ZNF564: variants seen among roughly 807,000 people sequenced by gnomAD.
The protein encoded by ZNF564 is zinc finger protein 564.
A neutral mutation model predicts 10.5 loss-of-function variants in ZNF564; 5 were observed. That is an observed-to-expected ratio of 0.48 (90% CI 0.25 to 1.00). The LOEUF (loss-of-function observed/expected upper bound fraction) is 1.00. Ranked by LOEUF, ZNF564 falls within the 50% of genes least tolerant of loss-of-function variation. The probability of loss-of-function intolerance (pLI) is 0.16; values close to 1 mark genes in which losing one functional copy is unlikely to be tolerated. For synonymous variants in ZNF564, 242 were observed against 218.1 expected, an observed-to-expected ratio of 1.11 and a Z score of -0.97; for missense variants, 603 against 669.7, an observed-to-expected ratio of 0.90 and a Z score of 1.10.
At chr19:12,541,066 C>CAAAAAAAAAAAAAAAA in intron 1 of ZNF564, among the ~76,000 whole-genome samples, 1 of 59,724 alleles carries the variant, frequency 1.7e-5, no homozygotes, top group Non-Finnish European at 2.8e-5. Flanking sequence ...CCTGTCTCTA[C>CAAAAAAAAAAAAAAAA]AAAAAAAAAA....
chr19:12,550,862 TA>T (rs1455798658), intron 1 of ZNF564, among the ~76,000 whole-genome samples: 2 of 151,770 alleles, frequency 1.3e-5, no homozygotes, highest in African/African-American at 4.8e-5. Flanking sequence ...AAAGCTAGGC[TA>T]AAAAAAACGG....
chr19:12,543,117 A>T (rs2022088450), intron 1 of ZNF564, among the ~76,000 whole-genome samples: 1 of 151,972 alleles, frequency 6.6e-6, no homozygotes, highest in South Asian at 2.1e-4. Context: ...CCTGGCCAAA[A>T]CAGTGAAACC....
At chr19:12,548,338 C>CA in intron 1 of ZNF564, 1 of 190,206 alleles carries the variant, frequency 5.3e-6, no homozygotes, top group Non-Finnish European at 9.7e-6. Context: ...CTGCCTCAGC[C>CA]ACCCAGCAGC....
intron 1 of ZNF564, among the ~76,000 whole-genome samples, chr19:12,535,085 G>A (rs375554109): frequency 1.3e-5 from 2 of 151,888 alleles, no homozygotes; most frequent in African/African-American, 4.8e-5. Flanking sequence ...TTAAAAGTAC[G>A]TCACTGGGCC....
chr19:12,527,927 TAGAA>T lies in ZNF564; in HGVS notation c.192-15_192-12del, dbSNP rs750588152. ...TCTTCCATATGATTTCTGGAAAAAA[TAGAA>T]AGCAAGATTTAGTGGTTTGTGACTT... is the stretch of plus-strand genomic sequence containing the variant. On this transcript the variant is annotated splice_polypyrimidine_tract_variant and intron_variant, in intron 3 of 3. Coordinates refer to ENST00000339282, the MANE Select transcript of ZNF564 (RefSeq NM_144976.4). The T allele has an allele frequency of 7.1e-5, 111 of 1,566,890 alleles. No individual in the cohort carries two copies. Among genetic ancestry groups the T allele is most frequent in the East Asian group, 2.2e-5 (1 of 44,500 alleles).
At chr19:12,538,459 A>G (rs2021961628) in intron 1 of ZNF564, among the ~76,000 whole-genome samples, 1 of 152,022 alleles carries the variant, frequency 6.6e-6, no homozygotes, top group Non-Finnish European at 1.5e-5. Context: ...CCCCATCTCT[A>G]CTAAAAATAC....
intron 1 of ZNF564, among the ~76,000 whole-genome samples, chr19:12,550,060 A>G (rs2145101352): frequency 6.6e-6 from 1 of 152,030 alleles, no homozygotes; most frequent in East Asian, 1.9e-4. Context: ...TGGGAGGCCG[A>G]GGCAGGCGGA....
Position 12,526,450 on chromosome 19 carries a change from T to G in ZNF564, c.1658A>C (p.Glu553Ala). The change falls in exon 4 of 4, where the codon GAA becomes GCA. Residue 553 changes from glutamate to alanine, a missense_variant. Physicochemically the swap from Glu to Ala is moderately radical, Grantham distance 107 (BLOSUM62 -1). Coordinates refer to ENST00000339282, the MANE Select transcript of ZNF564 (RefSeq NM_144976.4). The stretch of plus-strand genomic sequence containing the variant: ...TACTTGTAGACCTGTCCTCCACTAT[T>G]CATTTTCACAGGTATTCGAAGGTTG... ...ITQPSNTCEN[E>A] is the part of the protein sequence containing the mutation. 6.3e-7 allele frequency: 1 copy of G among 1,586,040 alleles called. No individual in the cohort carries two copies. The highest frequency in any genetic ancestry group is 8.6e-7 in the Non-Finnish European group (1 of 1,168,354).
intron 1 of ZNF564, among the ~76,000 whole-genome samples, chr19:12,551,045 C>T (rs1051040519): frequency 5.9e-5 from 9 of 152,234 alleles, no homozygotes; most frequent in Admixed American, 2.6e-4. Context: ...TGTCCCAGTA[C>T]AAACAATCTG....
intron 1 of ZNF564, chr19:12,548,281 G>A (rs1230899112): frequency 2.0e-5 from 13 of 652,550 alleles, no homozygotes; most frequent in African/African-American, 1.8e-4. Flanking sequence ...CCAGTGGCAC[G>A]ATCCCGGCTC....
At chr19:12,534,033 T>G (rs76586279) in intron 1 of ZNF564, among the ~76,000 whole-genome samples, 1 of 152,216 alleles carries the variant, frequency 6.6e-6, no homozygotes, top group Non-Finnish European at 1.5e-5. Flanking sequence ...CCACTCACGG[T>G]GGCAAACTGG....
At chr19:12,535,016 T>A (rs181903066) in intron 1 of ZNF564, among the ~76,000 whole-genome samples, 113 of 152,136 alleles carry the variant, frequency 7.4e-4, no homozygotes, top group African/African-American at 2.5e-3. Context: ...TCCATATGAT[T>A]AAATATAATC....
intron 1 of ZNF564, among the ~76,000 whole-genome samples, chr19:12,539,292 G>C (rs2021987486): frequency 6.7e-6 from 1 of 149,538 alleles, no homozygotes; most frequent in African/African-American, 2.5e-5. Flanking sequence ...CTCTGTAATA[G>C]CTCCCAAATT....
chr19:12,534,626 C>T (rs1599280603), intron 1 of ZNF564, among the ~76,000 whole-genome samples: 1 of 152,028 alleles, frequency 6.6e-6, no homozygotes, highest in East Asian at 1.9e-4. Flanking sequence ...CCCGCCTGGC[C>T]AACATGGTGA....
chr19:12,530,593 T>C (rs186197513), intron 1 of ZNF564, among the ~76,000 whole-genome samples: 26 of 152,290 alleles, frequency 1.7e-4, no homozygotes, highest in Non-Finnish European at 1.3e-4. Flanking sequence ...TCCAGATGGT[T>C]TGATGGTGAA....
At position 12,526,194 on chromosome 19, in the gene ZNF564, A is replaced by G. The variant is rs529071450; in HGVS notation, c.*252T>C. The G allele has an allele frequency of 3.8e-3, 1,441 of 374,944 alleles. 7 individuals carry two copies. Among genetic ancestry groups the G allele is most frequent in the Non-Finnish European group, 6.0e-3 (1,240 of 208,302 alleles). 23.2% of individuals were successfully genotyped at this position (374,944 alleles called of 1,614,324 possible). A position where few individuals can be genotyped will look rare whatever the true frequency, so the allele number is the denominator to read the frequency against. On this transcript the variant is annotated 3_prime_UTR_variant, in exon 4 of 4. Coordinates refer to ENST00000339282, the MANE Select transcript of ZNF564 (RefSeq NM_144976.4). The stretch of plus-strand genomic sequence containing the variant: ...ACTCAAACTCCAAAGTGTCATCTCA[A>G]TATCACATCACTCAGATATGGATGA...
intron 2 of ZNF564, 42 bp from the exon 3 acceptor site, chr19:12,528,406 T>A (rs778202605): frequency 1.8e-5 from 29 of 1,581,676 alleles, no homozygotes; most frequent in Middle Eastern, 1.7e-4. Flanking sequence ...CTGATAGACA[T>A]TACAGAAAAA....
At chr19:12,548,830 A>C in intron 1 of ZNF564, 1 of 702,992 alleles carries the variant, frequency 1.4e-6, no homozygotes. Flanking sequence ...GAAAGGATAC[A>C]GAACAGTTAT....
Position 12,526,595 on chromosome 19 carries a change from A to T in ZNF564, c.1513T>A (p.Tyr505Asn). 1.2e-6 allele frequency: 2 copies of T among 1,614,158 alleles called. No homozygotes were observed. The highest frequency in any genetic ancestry group is 1.7e-6 in the Non-Finnish European group (2 of 1,180,036). Residue 505 changes from tyrosine (Y) to asparagine (N), a missense_variant, in exon 4 of 4, where the codon TAT becomes AAT. Tyr to Asn is a moderately radical substitution (Grantham distance 143). Transcript: ENST00000339282. The stretch of plus-strand genomic sequence containing the variant: ...GTTTTTCCACATTGCTTACATTCAT[A>T]GGGTTTTTCTCCGGTATGAGTTCTT... The part of the protein sequence containing the change: ...HERTHTGEKP[Y>N]ECKQCGKTFS...
Sources: gnomAD v4.1 joint callset for allele counts (sites outside exome capture counted in the v4.1 genomes callset) on GRCh38, gnomAD v4.1.1 for gene constraint, MANE v1.5 for transcripts, NCBI Gene and HGNC (gene_info 2026-07-23, HGNC 2026-07-21) for gene names.